Variants in SLC22A23 observed in about 807,000 individuals in gnomAD.
SLC22A23 encodes the protein solute carrier family 22 member 23.
A neutral mutation model predicts 61.0 loss-of-function variants in SLC22A23; 26 were observed. The observed-to-expected ratio is 0.43, with a 90% confidence interval of 0.31 to 0.59. SLC22A23 has a LOEUF of 0.59. Ranked by LOEUF, SLC22A23 falls within the 20% of genes least tolerant of loss-of-function variation. The pLI is 0.11. For missense variants in SLC22A23, 796 were observed against 934.7 expected (o/e 0.85, Z 1.94); for synonymous variants, 430 against 413.9 (o/e 1.04, Z -0.47).
intron 3 of SLC22A23, among the ~76,000 whole-genome samples, chr6:3,348,877 T>G (rs926265130): frequency 6.6e-6 from 1 of 152,126 alleles, no homozygotes; most frequent in Non-Finnish European, 1.5e-5. Flanking sequence ...AGGGAGGGCT[T>G]AGGAATTTAG....
chr6:3,348,459 C>G (rs960927586), intron 3 of SLC22A23, among the ~76,000 whole-genome samples: 1 of 152,194 alleles, frequency 6.6e-6, no homozygotes, highest in African/African-American at 2.4e-5. Context: ...ATCTTGCTCT[C>G]AGTTTCTTTA....
chr6:3,401,009 A>G (rs774187416), intron 3 of SLC22A23, among the ~76,000 whole-genome samples: 1 of 152,260 alleles, frequency 6.6e-6, no homozygotes, highest in Non-Finnish European at 1.5e-5. Flanking sequence ...TGTCTTGCAC[A>G]ACAATGGAAA....
chr6:3,307,587 C>T (rs1339316285), intron 4 of SLC22A23, among the ~76,000 whole-genome samples: 1 of 152,240 alleles, frequency 6.6e-6, no homozygotes, highest in African/African-American at 2.4e-5. Flanking sequence ...GACTGAGGCC[C>T]AGGCCCTGCT....
intron 1 of SLC22A23, among the ~76,000 whole-genome samples, chr6:3,431,234 C>T (rs1770845018): frequency 6.6e-6 from 1 of 152,156 alleles, no homozygotes; most frequent in African/African-American, 2.4e-5. Context: ...ACACCCTGCA[C>T]CCATGTCACA....
chr6:3,389,468 GA>G (rs2127485015), intron 3 of SLC22A23, among the ~76,000 whole-genome samples: 1 of 152,310 alleles, frequency 6.6e-6, no homozygotes, highest in Non-Finnish European at 1.5e-5. Flanking sequence ...AGGAGACTGT[GA>G]CCAGAGAAAC....
In SLC22A23 at chr6:3,273,455, C is replaced by G. The variant is rs765005651; in HGVS notation, c.1704-43G>C. On this transcript the variant is annotated intron_variant, in intron 9 of 9. Coordinates refer to ENST00000406686, the MANE Select transcript of SLC22A23 (RefSeq NM_015482.2). The stretch of plus-strand genomic sequence containing the variant: ...CACAGGGATTGCTGCTGTGGGCTAG[C>G]GGGCTGGATCCCGGGAAAGCTCGGG... The G allele has an allele frequency of 2.5e-6, 4 of 1,598,758 alleles. No homozygotes were observed. The African/African-American group carries it at 5.3e-5, about 21-fold the overall frequency.
chr6:3,295,886 A>G (rs1761044618), intron 5 of SLC22A23, among the ~76,000 whole-genome samples: 1 of 152,166 alleles, frequency 6.6e-6, no homozygotes, highest in African/African-American at 2.4e-5. Flanking sequence ...GTTAAGTCAC[A>G]TGTCACCAAC....
At chr6:3,373,278 C>T (rs1240199877) in intron 3 of SLC22A23, among the ~76,000 whole-genome samples, 1 of 152,248 alleles carries the variant, frequency 6.6e-6, no homozygotes, top group East Asian at 1.9e-4. Flanking sequence ...GAAGTCAGCA[C>T]ATCCTGTGTG....
chr6:3,439,185 C>T (rs1581893017), intron 1 of SLC22A23: 1 of 355,136 alleles, frequency 2.8e-6, no homozygotes, highest in African/African-American at 2.1e-5. Flanking sequence ...GTACCCCTGC[C>T]TCTACCCACC....
rs996130645 is a variant in SLC22A23 at position 3,308,490 on chromosome 6, C to A, written c.1083-10272G>T. Among the ~76,000 whole-genome samples, 1 of 152,174 alleles carries A rather than the reference C, an allele frequency of 6.6e-6. No homozygotes were observed. The highest frequency in any genetic ancestry group is 1.5e-5 in the Non-Finnish European group (1 of 68,048). The stretch of plus-strand genomic sequence containing the variant: ...GCCCACCTGGTGCTCAGAGACAGTT[C>A]CCCCAGGTGTGGACAGTGGCTCTTC... On this transcript the variant is annotated intron_variant, in intron 4 of 9. Coordinates refer to ENST00000406686, the MANE Select transcript of SLC22A23 (RefSeq NM_015482.2). This position sits in a 1 kb window ranked among gnomAD's most constrained non-coding sequence, Gnocchi z 5.1.
At position 3,298,083 on chromosome 6, in the gene SLC22A23, G is replaced by C; in HGVS notation, c.1210+8C>G. The C allele has an allele frequency of 6.5e-7, 1 of 1,529,544 alleles. No homozygotes were observed. The highest frequency in any genetic ancestry group is 8.8e-7 in the Non-Finnish European group (1 of 1,142,528). The allele number at this position is 1,529,544 out of a possible 1,614,324, so 94.7% of individuals were successfully genotyped here. A position where few individuals can be genotyped will look rare whatever the true frequency, so the allele number is the denominator to read the frequency against. On this transcript the variant is annotated splice_region_variant and intron_variant, in intron 5 of 9. Transcript: ENST00000406686. Reference sequence around the variant, plus strand: ...TCTCTGAGCCCTGCCAGCCCGCGGTGTGCTCACCTGGTATCACACCCTTGA... The same window carrying C: ...TCTCTGAGCCCTGCCAGCCCGCGGTCTGCTCACCTGGTATCACACCCTTGA...
At chr6:3,384,283 G>A (rs4959820) in intron 3 of SLC22A23, among the ~76,000 whole-genome samples, 40,689 of 152,078 alleles carry the variant, frequency 0.27, 5,944 homozygotes, top group Middle Eastern at 0.39. Flanking sequence ...CCTATCATAC[G>A]TCTGCTTTAT....
chr6:3,415,641 T>C (rs1465303105), intron 2 of SLC22A23, 111 bp downstream of exon 2: 2 of 744,246 alleles, frequency 2.7e-6, no homozygotes, highest in Non-Finnish European at 4.5e-6. Context: ...CCTTCTGCTC[T>C]GGCACTGGGA....
rs1230272175 is a variant in SLC22A23, at chr6:3,270,722, T to A, written c.*2333A>T. On this transcript the variant is annotated 3_prime_UTR_variant, in exon 10 of 10. Coordinates refer to ENST00000406686, the MANE Select transcript of SLC22A23 (RefSeq NM_015482.2). ...TGAGCAGTGTCTTCGTTGGACCAGT[T>A]TTTTATTGTCATTTGAGGTGGAGAT... The A allele has an allele frequency of 6.6e-6, 1 of 152,372 alleles. No individual in the cohort carries two copies. The highest frequency in any genetic ancestry group is 2.4e-5 in the African/African-American group (1 of 41,462). The allele number at this position is 152,372 out of a possible 1,614,324, so 9.4% of individuals were successfully genotyped here. A position where few individuals can be genotyped will look rare whatever the true frequency, so the allele number is the denominator to read the frequency against.
At chr6:3,303,912 T>G (rs1761792786) in intron 4 of SLC22A23, among the ~76,000 whole-genome samples, 1 of 152,246 alleles carries the variant, frequency 6.6e-6, no homozygotes, top group Non-Finnish European at 1.5e-5. Flanking sequence ...CCACTATACA[T>G]TTAATGTAGC....
chr6:3,335,513 C>T (rs928800453), intron 3 of SLC22A23, among the ~76,000 whole-genome samples: 6 of 152,146 alleles, frequency 3.9e-5, no homozygotes, highest in African/African-American at 1.4e-4. Flanking sequence ...GGGGTGAATT[C>T]CTCTCGCCCC....
At chr6:3,299,997 A>ATTTTTTTT (rs1581646887) in intron 4 of SLC22A23, among the ~76,000 whole-genome samples, 1 of 98,422 alleles carries the variant, frequency 1.0e-5, no homozygotes, top group Admixed American at 1.2e-4. Flanking sequence ...CTCAGGATAG[A>ATTTTTTTT]CTTTTTTTTT....
chr6:3,336,068 G>A (rs1011961216), intron 3 of SLC22A23, among the ~76,000 whole-genome samples: 9 of 148,334 alleles, frequency 6.1e-5, no homozygotes, highest in Non-Finnish European at 1.0e-4. Flanking sequence ...CGGCCTGGGC[G>A]AAAGAGCGAG....
intron 4 of SLC22A23, among the ~76,000 whole-genome samples, chr6:3,314,144 C>T (rs1457941321): frequency 2.0e-5 from 3 of 152,186 alleles, no homozygotes; most frequent in East Asian, 3.8e-4. Context: ...GTACTGATAC[C>T]CCAATAATTT....
Sources: allele counts gnomAD v4.1 joint callset (sites outside exome capture counted in the v4.1 genomes callset), GRCh38; gene constraint gnomAD v4.1.1; non-coding constraint Gnocchi (gnomAD v3.1); transcripts MANE v1.5; gene names NCBI Gene and HGNC (gene_info 2026-07-23, HGNC 2026-07-21).